DPP6: variants seen among roughly 807,000 people sequenced by gnomAD.
DPP6 encodes the protein dipeptidyl peptidase like 6.
DPP6 carries 69 observed loss-of-function variants against 122.6 expected under a neutral mutation model. That is an observed-to-expected ratio of 0.56 (90% CI 0.46 to 0.69). The LOEUF is 0.69. Ranked by LOEUF, DPP6 falls within the 30% of genes least tolerant of loss-of-function variation. The probability of loss-of-function intolerance (pLI) is 0.00; values close to 1 mark genes in which losing one functional copy is unlikely to be tolerated. For synonymous variants in DPP6, 418 were observed against 433.1 expected, an observed-to-expected ratio of 0.97 and a Z score of 0.43; for missense variants, 928 against 1,116.9, an observed-to-expected ratio of 0.83 and a Z score of 2.41.
At chr7:154,441,909 G>T (rs571729383) in intron 1 of DPP6, among the ~76,000 whole-genome samples, 1 of 152,198 alleles carries the variant, frequency 6.6e-6, no homozygotes, top group Non-Finnish European at 1.5e-5. Context: ...CTCAGAAAAG[G>T]TATAGCTTGG....
At chr7:153,952,048 A>T (rs917891319) in intron 1 of DPP6, among the ~76,000 whole-genome samples, 2 of 152,168 alleles carry the variant, frequency 1.3e-5, no homozygotes, top group Non-Finnish European at 2.9e-5. Context: ...GTCTCAAAAA[A>T]GAAAGAAAGA....
chr7:154,757,117 T>C (rs1049896854), intron 8 of DPP6, among the ~76,000 whole-genome samples: 1 of 148,800 alleles, frequency 6.7e-6, no homozygotes, highest in Non-Finnish European at 1.5e-5. Flanking sequence ...TCAGGTCTCC[T>C]GAGGAACAGG....
At chr7:154,480,974 G>A (rs1418533044) in intron 3 of DPP6, among the ~76,000 whole-genome samples, 3 of 152,014 alleles carry the variant, frequency 2.0e-5, no homozygotes, top group East Asian at 1.9e-4. Flanking sequence ...CAGAACACAC[G>A]TGCCCATCCT....
At chr7:154,616,285 A>G (rs1258851709) in intron 5 of DPP6, among the ~76,000 whole-genome samples, 1 of 152,206 alleles carries the variant, frequency 6.6e-6, no homozygotes, top group Non-Finnish European at 1.5e-5. Flanking sequence ...CTGTAATTCA[A>G]CAGGTCTTGG....
intron 1 of DPP6, among the ~76,000 whole-genome samples, chr7:153,989,754 G>T (rs143677079): frequency 0.012 from 1,784 of 152,084 alleles, 25 homozygotes; most frequent in African/African-American, 0.041. Context: ...TGAGGTACTG[G>T]TGCGAGGTTT....
chr7:154,512,698 G>GA (rs1826184804), intron 3 of DPP6, among the ~76,000 whole-genome samples: 1 of 150,278 alleles, frequency 6.7e-6, no homozygotes, highest in South Asian at 2.1e-4. Flanking sequence ...TAATGGGAAG[G>GA]GAGTGAAATC....
intron 1 of DPP6, among the ~76,000 whole-genome samples, chr7:154,427,308 T>C (rs1229910979): frequency 6.6e-6 from 1 of 152,250 alleles, no homozygotes; most frequent in Non-Finnish European, 1.5e-5. Flanking sequence ...TTTTTAACCA[T>C]AGTTTTTGTG....
intron 1 of DPP6, among the ~76,000 whole-genome samples, chr7:153,908,029 G>GTTTTTTT (rs34826354): frequency 2.6e-5 from 3 of 113,916 alleles, no homozygotes; most frequent in Non-Finnish European, 3.5e-5. Flanking sequence ...GAGGCTGGAA[G>GTTTTTTT]TTTTTTTTTT....
At chr7:153,874,447 C>T in the DPP6 span, among the ~76,000 whole-genome samples, 1 of 152,188 alleles carries the variant, frequency 6.6e-6, no homozygotes, top group Non-Finnish European at 1.5e-5. Context: ...AGGATCTCAG[C>T]TTGCTGCAAC....
chr7:154,467,991 A>T (rs1821938341), intron 2 of DPP6, among the ~76,000 whole-genome samples: 1 of 152,200 alleles, frequency 6.6e-6, no homozygotes. Context: ...CTCGACAGTG[A>T]ATCTCTTAAT....
chr7:154,315,446 A>AT (rs955852341), intron 1 of DPP6, among the ~76,000 whole-genome samples: 5 of 151,976 alleles, frequency 3.3e-5, no homozygotes, highest in African/African-American at 1.2e-4. Flanking sequence ...AATCCCTACA[A>AT]TTTTTTGAGT....
the DPP6 span, among the ~76,000 whole-genome samples, chr7:153,866,138 C>T: frequency 6.6e-6 from 1 of 152,126 alleles, no homozygotes; most frequent in African/African-American, 2.4e-5. Context: ...TTTATAGCAG[C>T]ATGATTTACA....
chr7:154,057,125 T>C (rs1174533558), intron 1 of DPP6, among the ~76,000 whole-genome samples: 1 of 152,204 alleles, frequency 6.6e-6, no homozygotes, highest in South Asian at 2.1e-4. Context: ...AAGTGCCCAG[T>C]GAATACATGC....
At position 154,313,715 on chromosome 7, in the gene DPP6, A is replaced by ATATATATACG. The variant is rs1563460487; in HGVS notation, c.244-132499_244-132498insTATATATACG. ...TATATATATATATATATATATATAT[A>ATATATATACG]CACACACACGCACGCACACACACAC... On this transcript the variant is annotated intron_variant, in intron 1 of 25. Transcript: ENST00000377770. Among the ~76,000 whole-genome samples the ATATATATACG allele has an allele frequency of 4.5e-4, 16 of 35,808 alleles. 2 individuals are homozygous for ATATATATACG. In the East Asian group the frequency reaches 5.9e-3, roughly 13 times the overall value. The allele number at this position is 35,808 out of a possible 152,430, so 23.5% of individuals were successfully genotyped here.
chr7:153,939,027 CCAAATAAAA>C, intron 1 of DPP6, among the ~76,000 whole-genome samples: 1 of 152,256 alleles, frequency 6.6e-6, no homozygotes, highest in East Asian at 1.9e-4. Flanking sequence ...ACACACCTCC[CCAAATAAAA>C]TGCATTTTTT....
chr7:154,385,403 T>C (rs912579564), intron 1 of DPP6, among the ~76,000 whole-genome samples: 3 of 152,010 alleles, frequency 2.0e-5, no homozygotes, highest in African/African-American at 7.3e-5. Context: ...GGGACTTGAG[T>C]TCTGTGCATC....
At chr7:154,533,786 T>A (rs1350091969) in intron 3 of DPP6, among the ~76,000 whole-genome samples, 2 of 152,070 alleles carry the variant, frequency 1.3e-5, no homozygotes, top group African/African-American at 4.8e-5. Context: ...TTGCTTGAGC[T>A]CAGAGGTCTG....
rs977092288 is a variant in DPP6 at position 154,833,699 on chromosome 7, T to C, written c.1667-20081T>C. Among the ~76,000 whole-genome samples the C allele has an allele frequency of 6.6e-6, 1 of 152,186 alleles. No individual in the cohort carries two copies. The highest frequency in any genetic ancestry group is 1.5e-5 in the Non-Finnish European group (1 of 68,038). ...GGGAGAATTCACCTCTTGTTTCCGA[T>C]GCCTGGCAACATAAATTCACATAGC... On this transcript the variant is annotated intron_variant, in intron 16 of 25. Coordinates refer to ENST00000377770, the MANE Select transcript of DPP6 (RefSeq NM_130797.4). This position sits in a 1 kb window ranked among gnomAD's most constrained non-coding sequence, Gnocchi z 4.3.
chr7:154,731,987 A>T (rs1055340936), intron 8 of DPP6, among the ~76,000 whole-genome samples: 6 of 151,376 alleles, frequency 4.0e-5, no homozygotes, highest in African/African-American at 1.5e-4. Flanking sequence ...TACATGGTTG[A>T]TTGTGTTTCC....
Sources: allele counts gnomAD v4.1 joint callset (sites outside exome capture counted in the v4.1 genomes callset), GRCh38; gene constraint gnomAD v4.1.1; non-coding constraint Gnocchi (gnomAD v3.1); transcripts MANE v1.5; gene names NCBI Gene and HGNC (gene_info 2026-07-23, HGNC 2026-07-21).